Variants in ADAMTS6 observed in about 807,000 individuals in gnomAD.
ADAMTS6 encodes A disintegrin and metalloproteinase with thrombospondin motifs 6.
Under a neutral mutation model 144.3 loss-of-function variants are expected in ADAMTS6, and 23 were observed. The observed-to-expected ratio is 0.16, with a 90% CI of 0.11 to 0.23. ADAMTS6 has a LOEUF of 0.23. Among genes scored for constraint, ADAMTS6 ranks in the 10% least tolerant of loss-of-function variants. ADAMTS6 has a pLI of 1.00. For missense variants in ADAMTS6, 999 were observed against 1,379.6 expected, an observed-to-expected ratio of 0.72 and a Z score of 4.37; for synonymous variants, 444 against 457.5, an observed-to-expected ratio of 0.97 and a Z score of 0.38.
chr5:65,193,235 T>C (rs1224014885), intron 21 of ADAMTS6, among the ~76,000 whole-genome samples: 2 of 151,876 alleles, frequency 1.3e-5, no homozygotes, highest in South Asian at 2.1e-4. Context: ...CTAAATTTTA[T>C]CAGTAAAAAT....
At chr5:65,212,759 T>C (rs1303989140) in intron 20 of ADAMTS6, among the ~76,000 whole-genome samples, 1 of 152,184 alleles carries the variant, frequency 6.6e-6, no homozygotes, top group Non-Finnish European at 1.5e-5. Flanking sequence ...GCTCTAAGAA[T>C]TTCCCATTCA....
chr5:65,365,265 T>C (rs780066011), intron 7 of ADAMTS6, among the ~76,000 whole-genome samples: 5 of 152,066 alleles, frequency 3.3e-5, no homozygotes, highest in Non-Finnish European at 5.9e-5. Flanking sequence ...GCTAATCAAG[T>C]AATAAAAAAC....
intron 12 of ADAMTS6, among the ~76,000 whole-genome samples, chr5:65,269,710 C>T (rs1401173021): frequency 4.0e-5 from 6 of 151,874 alleles, no homozygotes; most frequent in African/African-American, 1.5e-4. Context: ...ACTGTACCTA[C>T]CTCATATGAT....
At chr5:65,201,406 T>C (rs1442663516) in intron 20 of ADAMTS6, among the ~76,000 whole-genome samples, 1 of 152,194 alleles carries the variant, frequency 6.6e-6, no homozygotes, top group East Asian at 1.9e-4. Context: ...ATATTGCTTT[T>C]CTCAGGGCAA....
intron 14 of ADAMTS6, among the ~76,000 whole-genome samples, chr5:65,245,163 C>T (rs76845886): frequency 1.3e-5 from 2 of 152,156 alleles, no homozygotes; most frequent in African/African-American, 2.4e-5. Flanking sequence ...TTAGCAGCTA[C>T]GCAGGTGTCC....
chr5:65,263,847 T>G (rs972430456), intron 12 of ADAMTS6, among the ~76,000 whole-genome samples: 2 of 152,210 alleles, frequency 1.3e-5, no homozygotes, highest in African/African-American at 4.8e-5. Context: ...AGTCATTTGT[T>G]TATATGAATA....
At chr5:65,219,740 C>G (rs1757178219) in intron 18 of ADAMTS6, among the ~76,000 whole-genome samples, 1 of 152,134 alleles carries the variant, frequency 6.6e-6, no homozygotes, top group East Asian at 1.9e-4. Context: ...TACAGAGGAA[C>G]ATTTGAAAAT....
intron 9 of ADAMTS6, among the ~76,000 whole-genome samples, 162 bp from the exon 10 acceptor site, chr5:65,300,293 A>G (rs1022060185): frequency 6.6e-6 from 1 of 152,216 alleles, no homozygotes; most frequent in Non-Finnish European, 1.5e-5. Flanking sequence ...TAAAGAGACT[A>G]AGGAATAAGG....
At chr5:65,215,032 T>A (rs894559900) in intron 19 of ADAMTS6, 100 bp from the exon 20 acceptor site, 2 of 1,426,054 alleles carry the variant, frequency 1.4e-6, no homozygotes, top group African/African-American at 2.9e-5. Context: ...AAACAAGTCT[T>A]ACAGGAAACT....
At chr5:65,480,544 T>A (rs944624859) in intron 1 of ADAMTS6, among the ~76,000 whole-genome samples, 4 of 152,206 alleles carry the variant, frequency 2.6e-5, no homozygotes, top group Non-Finnish European at 5.9e-5. Flanking sequence ...TCCCTCTCAG[T>A]GCGCTTTCTC....
intron 7 of ADAMTS6, among the ~76,000 whole-genome samples, chr5:65,353,383 G>T (rs2150092789): frequency 6.6e-6 from 1 of 152,050 alleles, no homozygotes; most frequent in South Asian, 2.1e-4. Context: ...TAAACTTGGT[G>T]GGATTCAAAC....
chr5:65,287,614 C>T (rs1202943661), intron 11 of ADAMTS6, among the ~76,000 whole-genome samples: 3 of 151,910 alleles, frequency 2.0e-5, no homozygotes, highest in African/African-American at 7.3e-5. Context: ...CACTGCAACC[C>T]CCGCCTCCTG....
chr5:65,219,467 C>T (rs527660763), intron 18 of ADAMTS6, among the ~76,000 whole-genome samples: 7 of 152,248 alleles, frequency 4.6e-5, no homozygotes, highest in East Asian at 3.9e-4. Flanking sequence ...TAAAGACAGA[C>T]GTACCTACAT....
chr5:65,395,622 A>G (rs2150154417), intron 7 of ADAMTS6, among the ~76,000 whole-genome samples: 1 of 152,302 alleles, frequency 6.6e-6, no homozygotes, highest in Middle Eastern at 3.4e-3. Flanking sequence ...GTTCTTTGCC[A>G]CTAACCATGC....
chr5:65,419,418 G>T (rs1315851040), intron 7 of ADAMTS6, among the ~76,000 whole-genome samples: 1 of 152,066 alleles, frequency 6.6e-6, no homozygotes, highest in Non-Finnish European at 1.5e-5. Context: ...AAGGAGGGGA[G>T]AAAGGGTTGA....
intron 15 of ADAMTS6, among the ~76,000 whole-genome samples, chr5:65,237,130 A>G (rs570857847): frequency 8.7e-4 from 132 of 152,276 alleles, no homozygotes; most frequent in African/African-American, 3.1e-3. Context: ...ATGGTGGCTC[A>G]CACCTATAAT....
At chr5:65,175,398 G>GA (rs35087698) in intron 22 of ADAMTS6, among the ~76,000 whole-genome samples, 88,229 of 149,646 alleles carry the variant, frequency 0.59, 26,278 homozygotes, top group Non-Finnish European at 0.65. Context: ...AGAAGTTAAG[G>GA]AAAAAAAAAC....
chr5:65,281,780 C>T (rs2112706765), intron 11 of ADAMTS6, among the ~76,000 whole-genome samples: 1 of 151,980 alleles, frequency 6.6e-6, no homozygotes, highest in Admixed American at 6.6e-5. Context: ...AATAACTTAC[C>T]TAATATGCAG....
intron 20 of ADAMTS6, chr5:65,210,268 C>A (rs1383887608): frequency 6.4e-6 from 1 of 156,700 alleles, no homozygotes; most frequent in Admixed American, 6.5e-5. Context: ...CTGGCTAACA[C>A]GGTGAAACCC....
Sources: gnomAD v4.1 joint callset for allele counts (sites outside exome capture counted in the v4.1 genomes callset) on GRCh38, gnomAD v4.1.1 for gene constraint, MANE v1.5 for transcripts, NCBI Gene and HGNC (gene_info 2026-07-23, HGNC 2026-07-21) for gene names.